WDR64: variants seen among roughly 807,000 people sequenced by gnomAD.
The protein encoded by WDR64 is WD repeat domain 64.
A neutral mutation model predicts 139.3 loss-of-function variants in WDR64; 112 were observed. The ratio of observed to expected loss-of-function variants is 0.80; its 90% CI spans 0.69 to 0.94. The LOEUF (loss-of-function observed/expected upper bound fraction) is 0.94. WDR64 is among the 40% of genes least tolerant of loss of function. The pLI, the probability that WDR64 is intolerant of heterozygous loss-of-function variation, is 0.00. For missense variants in WDR64, 1,206 were observed against 1,293.1 expected (o/e 0.93, Z 1.03); for synonymous variants, 444 against 437.7 (o/e 1.01, Z -0.18).
intron 13 of WDR64, among the ~76,000 whole-genome samples, chr1:241,746,261 G>C (rs1464259220): frequency 6.6e-6 from 1 of 152,082 alleles, no homozygotes; most frequent in Non-Finnish European, 1.5e-5. Flanking sequence ...ATAAGAAATG[G>C]GGTAGGGTTA....
intron 9 of WDR64, among the ~76,000 whole-genome samples, chr1:241,718,426 G>A (rs1025173039): frequency 2.6e-5 from 4 of 152,076 alleles, no homozygotes; most frequent in African/African-American, 9.7e-5. Context: ...CCTTGGGCAG[G>A]AACAATATCT....
chr1:241,771,077 T>C (rs1477813365), intron 18 of WDR64, among the ~76,000 whole-genome samples: 1 of 151,712 alleles, frequency 6.6e-6, no homozygotes, highest in East Asian at 1.9e-4. Flanking sequence ...AGACAGCAGG[T>C]ACTGTAATGC....
chr1:241,714,784 G>A lies in WDR64; in HGVS notation c.1054+2903G>A, dbSNP rs1224355591. Among the ~76,000 whole-genome samples the A allele has an allele frequency of 3.3e-5, 5 of 152,232 alleles. No homozygotes were observed. In the East Asian group the frequency reaches 9.6e-4, roughly 29 times the overall value. On this transcript the variant is annotated intron_variant, in intron 9 of 27. Coordinates refer to ENST00000437684, the MANE Select transcript of WDR64 (RefSeq NM_001367482.1). ...GTTAGAATAGCTGGGTTTAGCCATC[G>A]CCTGGCCAATCACCAACTCTGATTT...
intron 8 of WDR64, among the ~76,000 whole-genome samples, chr1:241,709,750 C>T (rs981703123): frequency 6.6e-5 from 10 of 152,076 alleles, no homozygotes; most frequent in African/African-American, 2.4e-4. Flanking sequence ...ATACACATAC[C>T]TTTTGACTTG....
In WDR64 at chr1:241,671,088, C is replaced by A. The variant is rs776664953; in HGVS notation, c.291C>A (p.Phe97Leu). ...TGGGATTTCAGATCTTTGGATACTT[C>A]TCCTCTGAAGAAGATCCTATTGCTT... is the stretch of plus-strand genomic sequence containing the variant. ...SADWCEIFGY[F>L]SSEEDPIASQ... Residue 97 changes from phenylalanine to leucine, a missense_variant, in exon 3 of 28, where the codon TTC becomes TTA. Phe to Leu is a conservative substitution (Grantham distance 22). Coordinates refer to ENST00000437684, the MANE Select transcript of WDR64 (RefSeq NM_001367482.1). 1 of 1,548,658 alleles carries A rather than the reference C, an allele frequency of 6.5e-7. No homozygotes were observed. Among genetic ancestry groups the A allele is most frequent in the Non-Finnish European group, 8.7e-7 (1 of 1,145,932 alleles).
At chr1:241,790,536 T>C in intron 24 of WDR64, 55 bp from the exon 25 acceptor site, 1 of 1,427,446 alleles carries the variant, frequency 7.0e-7, no homozygotes, top group Non-Finnish European at 9.7e-7. Context: ...CTTTGTTTAG[T>C]TGGCAGAGAA....
At chr1:241,702,469 A>G (rs1276405416) in intron 8 of WDR64, among the ~76,000 whole-genome samples, 2 of 152,140 alleles carry the variant, frequency 1.3e-5, no homozygotes, top group Non-Finnish European at 2.9e-5. Context: ...TACTCAATAA[A>G]TGTTGGCTCC....
intron 15 of WDR64, among the ~76,000 whole-genome samples, chr1:241,760,911 G>A (rs1041302254): frequency 3.3e-5 from 5 of 151,666 alleles, no homozygotes; most frequent in South Asian, 2.1e-4. Context: ...GATTACAGGC[G>A]CCCACCACCA....
rs772210123 is a variant in WDR64, at chr1:241,780,017, C to T, written c.2550C>T (p.Ile850=). 61 of 1,588,890 alleles carry T rather than the reference C, an allele frequency of 3.8e-5. No individual in the cohort carries two copies. Among genetic ancestry groups the T allele is most frequent in the Non-Finnish European group, 5.0e-5 (59 of 1,173,256 alleles). The change falls in exon 22 of 28, where the codon ATC becomes ATT. Residue 850 remains isoleucine, a synonymous_variant. Coordinates refer to ENST00000437684, the MANE Select transcript of WDR64 (RefSeq NM_001367482.1). The part of the protein sequence containing the change: ...LLAGNVEGHV[I]LCNISSFLDP... ...AATTTTATACAGAAGGACATGTTAT[C>T]CTTTGCAATATTAGCTCTTTCCTGG...
chr1:241,712,020 C>T (rs1668190154), intron 9 of WDR64, 139 bp downstream of exon 9: 13 of 830,460 alleles, frequency 1.6e-5, no homozygotes, highest in Middle Eastern at 2.3e-4. Flanking sequence ...TTCTTTCTGG[C>T]GTCTGGATTT....
At chr1:241,687,373 G>T in intron 7 of WDR64, 88 bp from the exon 8 acceptor site, 1 of 1,454,984 alleles carries the variant, frequency 6.9e-7, no homozygotes. Flanking sequence ...GTACAATTCA[G>T]TTACAGTCAA....
chr1:241,676,570 T>G (rs1373354832), intron 4 of WDR64, among the ~76,000 whole-genome samples: 1 of 152,158 alleles, frequency 6.6e-6, no homozygotes, highest in Admixed American at 6.6e-5. Context: ...ACTAAAACAT[T>G]CAGAATGATG....
intron 9 of WDR64, among the ~76,000 whole-genome samples, chr1:241,721,733 A>G (rs1236568316): frequency 6.6e-6 from 1 of 152,180 alleles, no homozygotes. Context: ...AAAATTTAAT[A>G]TCTTAAAAAT....
At position 241,741,489 on chromosome 1, in the gene WDR64, T is replaced by G. The variant is rs1435955943; in HGVS notation, c.1322-27T>G. On this transcript the variant is annotated intron_variant, in intron 11 of 27. Coordinates refer to ENST00000437684, the MANE Select transcript of WDR64 (RefSeq NM_001367482.1). Reference sequence around the variant, plus strand: ...GATTAGAAACTTCTAATATTGCATATTTATGAGATTCTTACTTCTGTTCCA... The same window carrying G: ...GATTAGAAACTTCTAATATTGCATAGTTATGAGATTCTTACTTCTGTTCCA... 5 of 1,570,774 alleles carry G rather than the reference T, an allele frequency of 3.2e-6. No individual in the cohort carries two copies. In the African/African-American group the frequency reaches 6.9e-5, roughly 22 times the overall value.
chr1:241,689,910 AAAAAC>A (rs756775291), intron 8 of WDR64, among the ~76,000 whole-genome samples: 169 of 152,266 alleles, frequency 1.1e-3, no homozygotes, highest in Non-Finnish European at 2.0e-3. Flanking sequence ...AAAAAACTGA[AAAAAC>A]AAAACAAAAC....
chr1:241,799,237 C>T (rs1007198727), intron 27 of WDR64, among the ~76,000 whole-genome samples: 19 of 56,404 alleles, frequency 3.4e-4, no homozygotes, highest in Admixed American at 5.8e-4. Flanking sequence ...AAAAATTAGC[C>T]GGGTGTGGTG....
intron 25 of WDR64, among the ~76,000 whole-genome samples, chr1:241,793,258 T>A (rs1162449246): frequency 6.6e-6 from 1 of 152,156 alleles, no homozygotes; most frequent in Non-Finnish European, 1.5e-5. Context: ...AACACAAAAT[T>A]CTGGATTGCT....
chr1:241,735,823 A>ATCTCTCTCTCTC (rs762750963), intron 10 of WDR64, among the ~76,000 whole-genome samples: 2 of 82,916 alleles, frequency 2.4e-5, no homozygotes, highest in African/African-American at 8.8e-5. Flanking sequence ...TTCTCTTTCT[A>ATCTCTCTCTCTC]TCTCTCTCTC....
intron 14 of WDR64, among the ~76,000 whole-genome samples, chr1:241,754,806 T>A (rs1670119283): frequency 6.6e-6 from 1 of 151,402 alleles, no homozygotes; most frequent in Non-Finnish European, 1.5e-5. Flanking sequence ...CACTTATGAG[T>A]GGGAACATGC....
Sources: gnomAD v4.1 joint callset for allele counts (sites outside exome capture counted in the v4.1 genomes callset) on GRCh38, gnomAD v4.1.1 for gene constraint, MANE v1.5 for transcripts, NCBI Gene and HGNC (gene_info 2026-07-23, HGNC 2026-07-21) for gene names.